The following GCNT2 variants were observed in gnomAD, a reference collection of about 807,000 sequenced individuals.
GCNT2 encodes the protein N-acetyllactosaminide beta-1,6-N-acetylglucosaminyl-transferase.
Under a neutral mutation model 34.2 loss-of-function variants are expected in GCNT2, and 34 were observed. That is an observed-to-expected ratio of 1.00 (90% CI 0.76 to 1.32). GCNT2 has a LOEUF of 1.32. Among genes scored for constraint, GCNT2 ranks in the 40% most tolerant of loss-of-function variants. The probability of loss-of-function intolerance (pLI) is 0.00; values close to 1 mark genes in which losing one functional copy is unlikely to be tolerated. For missense variants in GCNT2, 584 were observed against 489.4 expected (o/e 1.19, Z -1.82); for synonymous variants, 212 against 188.0 (o/e 1.13, Z -1.04).
At position 10,602,732 on chromosome 6, in the gene GCNT2, G is replaced by C. The variant is rs573811595; in HGVS notation, c.926-18619G>C. 5.3e-5 allele frequency among the ~76,000 whole-genome samples: 8 copies of C among 152,354 alleles called. No homozygotes were observed. In the South Asian group the frequency reaches 1.4e-3, roughly 28 times the overall value. ...AATTGGAGGGAAGGTTTTACAAGTT[G>C]TGAATGAATTCTGCATTTATATCTA... On this transcript the variant is annotated intron_variant, in intron 3 of 4. Coordinates refer to ENST00000495262, the MANE Select transcript of GCNT2 (RefSeq NM_145649.5).
At chr6:10,556,311 G>A in intron 3 of GCNT2, 1 of 1,569,114 alleles carries the variant, frequency 6.4e-7, no homozygotes, top group South Asian at 1.2e-5. Context: ...GTCTCCAACA[G>A]GGCAGGAGTG....
At chr6:10,581,013 T>C (rs1424354836) in intron 3 of GCNT2, among the ~76,000 whole-genome samples, 1 of 152,070 alleles carries the variant, frequency 6.6e-6, no homozygotes, top group African/African-American at 2.4e-5. Context: ...CCAACTAGAG[T>C]GGGCAGAGCA....
chr6:10,527,077 A>G (rs959912151), intron 1 of GCNT2, among the ~76,000 whole-genome samples: 1 of 152,250 alleles, frequency 6.6e-6, no homozygotes, highest in Non-Finnish European at 1.5e-5. Flanking sequence ...TATTACCTGG[A>G]ATTTCTCACT....
chr6:10,544,523 G>C (rs1181031415), intron 3 of GCNT2, among the ~76,000 whole-genome samples: 1 of 151,022 alleles, frequency 6.6e-6, no homozygotes, highest in East Asian at 1.9e-4. Context: ...AGAATTGCTT[G>C]AACCCAGGAG....
At chr6:10,535,831 G>A (rs973254479) in intron 3 of GCNT2, among the ~76,000 whole-genome samples, 1 of 152,244 alleles carries the variant, frequency 6.6e-6, no homozygotes, top group East Asian at 1.9e-4. Context: ...GATACCTGGT[G>A]GGTGATTGAG....
intron 3 of GCNT2, among the ~76,000 whole-genome samples, chr6:10,561,553 C>G (rs1762982486): frequency 6.6e-6 from 1 of 152,228 alleles, no homozygotes; most frequent in Non-Finnish European, 1.5e-5. Context: ...TGTTCAGCAT[C>G]TACCCAAGTG....
chr6:10,571,312 T>A (rs1432578125), intron 3 of GCNT2, among the ~76,000 whole-genome samples: 1 of 152,042 alleles, frequency 6.6e-6, no homozygotes, highest in Non-Finnish European at 1.5e-5. Context: ...ACTGTAATGC[T>A]ATAGTAGAAA....
At chr6:10,604,125 G>A (rs375647105) in intron 3 of GCNT2, among the ~76,000 whole-genome samples, 5 of 151,998 alleles carry the variant, frequency 3.3e-5, no homozygotes, top group African/African-American at 1.2e-4. Flanking sequence ...TCGATCTCCT[G>A]ACCTCATGTG....
chr6:10,626,047 A>G (rs966018081), intron 4 of GCNT2, among the ~76,000 whole-genome samples: 4 of 152,228 alleles, frequency 2.6e-5, no homozygotes, highest in African/African-American at 4.8e-5. Context: ...AACCTCAGAA[A>G]GCAAAACTGC....
At chr6:10,568,285 C>T (rs1763375181) in intron 3 of GCNT2, among the ~76,000 whole-genome samples, 1 of 152,120 alleles carries the variant, frequency 6.6e-6, no homozygotes, top group South Asian at 2.1e-4. Flanking sequence ...CCCACACACC[C>T]AGCTTTCCAC....
chr6:10,584,758 T>G (rs1169259984), intron 3 of GCNT2, among the ~76,000 whole-genome samples: 1 of 152,232 alleles, frequency 6.6e-6, no homozygotes, highest in Admixed American at 6.5e-5. Context: ...AAACCTTGAT[T>G]CAATACAGCA....
At chr6:10,567,067 C>T (rs1455432656) in intron 3 of GCNT2, among the ~76,000 whole-genome samples, 3 of 152,168 alleles carry the variant, frequency 2.0e-5, no homozygotes, top group African/African-American at 4.8e-5. Flanking sequence ...GCCTATAATC[C>T]CAGCACTTTG....
chr6:10,553,618 G>A (rs777678358), intron 3 of GCNT2, among the ~76,000 whole-genome samples: 60 of 152,202 alleles, frequency 3.9e-4, no homozygotes, highest in Admixed American at 3.9e-4. Context: ...AATAGGCCGG[G>A]CGTGGTGGCT....
At position 10,628,432 on chromosome 6, in the gene GCNT2, G is replaced by A. The variant is rs1196914401; in HGVS notation, c.*1825G>A. Reference sequence around the variant, plus strand: ...TTTTCTTGCTACTGAAAAAAATGGAGTTGTTTTGGGTGGTAAAGTGTTAAG... The same window carrying A: ...TTTTCTTGCTACTGAAAAAAATGGAATTGTTTTGGGTGGTAAAGTGTTAAG... On this transcript the variant is annotated 3_prime_UTR_variant, in exon 5 of 5. Coordinates refer to ENST00000495262, the MANE Select transcript of GCNT2 (RefSeq NM_145649.5). 6.6e-6 allele frequency: 1 copy of A among 152,162 alleles called. No homozygotes were observed. The highest frequency in any genetic ancestry group is 1.5e-5 in the Non-Finnish European group (1 of 68,030). The allele number at this position is 152,162 out of a possible 1,614,324, so 9.4% of individuals were successfully genotyped here.
chr6:10,555,740 G>A, intron 3 of GCNT2: 1 of 985,424 alleles, frequency 1.0e-6, no homozygotes, highest in Non-Finnish European at 1.2e-6. Flanking sequence ...TTGAAAAACA[G>A]TGGGGTGGGG....
At chr6:10,525,801 G>A (rs1761153890) in intron 1 of GCNT2, among the ~76,000 whole-genome samples, 1 of 152,182 alleles carries the variant, frequency 6.6e-6, no homozygotes, top group South Asian at 2.1e-4. Flanking sequence ...AAATACAAGT[G>A]TTCGTTACCC....
At chr6:10,571,672 C>T (rs1440332196) in intron 3 of GCNT2, among the ~76,000 whole-genome samples, 6 of 152,168 alleles carry the variant, frequency 3.9e-5, no homozygotes, top group Admixed American at 2.6e-4. Context: ...AAATTATTAT[C>T]TCTTCATGTT....
chr6:10,591,419 A>T (rs1208019542), intron 3 of GCNT2, among the ~76,000 whole-genome samples: 1 of 152,198 alleles, frequency 6.6e-6, no homozygotes, highest in East Asian at 1.9e-4. Flanking sequence ...AGGCCAACAA[A>T]TGATATCAGT....
At chr6:10,543,765 G>A (rs564198821) in intron 3 of GCNT2, among the ~76,000 whole-genome samples, 1 of 152,236 alleles carries the variant, frequency 6.6e-6, no homozygotes, top group South Asian at 2.1e-4. Context: ...AGTGCCCTTT[G>A]GACGTTATTT....
Sources: allele counts gnomAD v4.1 joint callset (sites outside exome capture counted in the v4.1 genomes callset), GRCh38; gene constraint gnomAD v4.1.1; transcripts MANE v1.5; gene names NCBI Gene and HGNC (gene_info 2026-07-23, HGNC 2026-07-21).